SLC9A3: variants seen among roughly 807,000 people sequenced by gnomAD.
The protein encoded by SLC9A3 is sodium/hydrogen exchanger 3.
SLC9A3 carries 37 observed loss-of-function variants against 86.8 expected under a neutral mutation model. That is an observed-to-expected ratio of 0.43 (90% confidence interval 0.33 to 0.56). The LOEUF (loss-of-function observed/expected upper bound fraction) is 0.56, where lower values mean the gene tolerates loss of function less well. Ranked by LOEUF, SLC9A3 falls within the 20% of genes least tolerant of loss-of-function variation. The pLI, the probability that SLC9A3 is intolerant of heterozygous loss-of-function variation, is 0.06. For synonymous variants in SLC9A3, 581 were observed against 528.3 expected (o/e 1.10, Z -1.37); for missense variants, 1,011 against 1,171.9 (o/e 0.86, Z 2.00).
At chr5:476,910 C>A (rs1162782809) in intron 11 of SLC9A3, among the ~76,000 whole-genome samples, 1 of 152,244 alleles carries the variant, frequency 6.6e-6, no homozygotes, top group Non-Finnish European at 1.5e-5. Flanking sequence ...GAAGTGGGTC[C>A]CTTTCCTTAC....
intron 1 of SLC9A3, among the ~76,000 whole-genome samples, chr5:509,221 G>T (rs972503973): frequency 2.0e-4 from 31 of 151,630 alleles, no homozygotes; most frequent in African/African-American, 7.3e-4. Context: ...GCTAATGGTG[G>T]AGCGGATCAC....
At chr5:473,454 T>C in intron 16 of SLC9A3, 72 bp from the exon 17 acceptor site, 2 of 1,252,204 alleles carry the variant, frequency 1.6e-6, no homozygotes, top group Non-Finnish European at 2.0e-6. Flanking sequence ...CCCGGGGGCC[T>C]CAGCTGTCCC....
chr5:473,386 C>T lies in SLC9A3; in HGVS notation c.2502-4G>A, dbSNP rs1169381495. Reference sequence around the variant, plus strand: ...GGCGTGTCGGAGCCGGTGTCACCTGCGGGAGAGGAAGGCGTGAGCGGCGCG... The same window carrying T: ...GGCGTGTCGGAGCCGGTGTCACCTGTGGGAGAGGAAGGCGTGAGCGGCGCG... On this transcript the variant is annotated splice_polypyrimidine_tract_variant and splice_region_variant and intron_variant, in intron 16 of 16. Coordinates refer to ENST00000264938, the MANE Select transcript of SLC9A3 (RefSeq NM_004174.4). 5 of 1,409,780 alleles carry T rather than the reference C, an allele frequency of 3.5e-6. No homozygotes were observed. The highest frequency in any genetic ancestry group is 4.7e-6 in the Non-Finnish European group (5 of 1,074,136). 87.3% of individuals were successfully genotyped at this position (1,409,780 alleles called of 1,614,324 possible).
At chr5:510,843 G>A (rs908780844) in intron 1 of SLC9A3, among the ~76,000 whole-genome samples, 13 of 152,324 alleles carry the variant, frequency 8.5e-5, no homozygotes, top group South Asian at 8.3e-4. Context: ...AGCAGCACAC[G>A]CAGCTTTCTC....
At chr5:500,427 A>G (rs1164916310) in intron 1 of SLC9A3, among the ~76,000 whole-genome samples, 1 of 152,334 alleles carries the variant, frequency 6.6e-6, no homozygotes, top group East Asian at 1.9e-4. Context: ...CCCTCCAGGG[A>G]CACAGGAAAC....
chr5:507,327 C>G (rs1224109492), intron 1 of SLC9A3, among the ~76,000 whole-genome samples: 1 of 128,510 alleles, frequency 7.8e-6, no homozygotes, highest in Non-Finnish European at 1.6e-5. Flanking sequence ...GCCACCACGC[C>G]CAGCTAATTT....
In SLC9A3 at chr5:520,282, G is replaced by A. The variant is rs546067064; in HGVS notation, c.211+3830C>T. On this transcript the variant is annotated intron_variant, in intron 1 of 16. Coordinates refer to ENST00000264938, the MANE Select transcript of SLC9A3 (RefSeq NM_004174.4). ...CCAGCTGGGCCTAGAATCCACTCCC[G>A]GCCCCAGCCCCTCCCCGGTTTCCGA... Among the ~76,000 whole-genome samples, 94 of 152,218 alleles carry A rather than the reference G, an allele frequency of 6.2e-4. 1 individual carries two copies. Among genetic ancestry groups the A allele is most frequent in the Middle Eastern group, 3.4e-3 (1 of 294 alleles).
chr5:478,417 A>G (rs1738906646), intron 10 of SLC9A3: 1 of 151,614 alleles, frequency 6.6e-6, no homozygotes, highest in Admixed American at 6.6e-5. Context: ...GCTGCTCCCC[A>G]CACCACTTCC....
chr5:489,815 G>A (rs1315687263), intron 2 of SLC9A3, among the ~76,000 whole-genome samples: 8 of 152,170 alleles, frequency 5.3e-5, no homozygotes, highest in African/African-American at 7.2e-5. Flanking sequence ...CAGACTCCCC[G>A]GCCGGCAGCC....
intron 1 of SLC9A3, among the ~76,000 whole-genome samples, chr5:493,063 G>A (rs530615269): frequency 1.3e-5 from 2 of 152,254 alleles, no homozygotes; most frequent in South Asian, 4.1e-4. Context: ...TGTGGGTGGG[G>A]GTGCAGGCAC....
chr5:503,622 G>A (rs1441019279), intron 1 of SLC9A3, among the ~76,000 whole-genome samples: 2 of 152,194 alleles, frequency 1.3e-5, no homozygotes, highest in African/African-American at 4.8e-5. Context: ...TCCCCAGTTT[G>A]GTGAAAGACA....
chr5:482,619 C>T lies in SLC9A3; in HGVS notation c.1285G>A (p.Asp429Asn), dbSNP rs1739261205. 1.9e-6 allele frequency: 3 copies of T among 1,612,714 alleles called. No homozygotes were observed. The South Asian group carries it at 3.3e-5, about 18-fold the overall frequency. The stretch of plus-strand genomic sequence containing the variant: ...AACAGGTTCTTCTCCTTGACCTTGT[C>T]TCCATCCAGAAGCACCACCAGGGCA... ...AFALVVLLDG[D>N]KVKEKNLFVS... The change falls in exon 7 of 17, where the codon GAC (aspartate) becomes AAC (asparagine). Residue 429 changes from aspartate to asparagine, a missense_variant. By Grantham distance (23) the Asp-to-Asn change is conservative. Transcript: ENST00000264938.
intron 9 of SLC9A3, among the ~76,000 whole-genome samples, chr5:481,143 G>C (rs1739139996): frequency 6.6e-6 from 1 of 152,204 alleles, no homozygotes; most frequent in African/African-American, 2.4e-5. Flanking sequence ...GACCACCTCA[G>C]TCTCCCAAAG....
intron 1 of SLC9A3, among the ~76,000 whole-genome samples, chr5:511,025 C>T (rs1740849742): frequency 6.6e-6 from 1 of 152,190 alleles, no homozygotes; most frequent in Non-Finnish European, 1.5e-5. Context: ...CTCCCTCCAG[C>T]CTCATAATAA....
chr5:524,270 G>T lies in SLC9A3; in HGVS notation c.53C>A (p.Ala18Glu). ...GPDRGLLLAL[A>E]LGGLARAGGV... ...CCCGGCCCGCGCCAGCCCGCCCAGC[G>T]CCAGCGCCAGCAGCAGCCCCCGGTC... The change falls in exon 1 of 17, where the codon GCG becomes GAG. Residue 18 changes from alanine to glutamate, a missense_variant. By Grantham distance (107) the Ala-to-Glu change is moderately radical (BLOSUM62 -1). Transcript: ENST00000264938. 1 of 1,363,730 alleles carries T rather than the reference G, an allele frequency of 7.3e-7. No homozygotes were observed. The highest frequency in any genetic ancestry group is 1.8e-5 in the South Asian group (1 of 54,928). 84.5% of individuals were successfully genotyped at this position (1,363,730 alleles called of 1,614,324 possible).
In SLC9A3 at chr5:491,710, C is replaced by T. The variant is rs986534787; in HGVS notation, c.514+59G>A. Reference sequence around the variant, plus strand: ...CCCCGACCTTTCTGAGATGAGGCAGCGCCGCCCCTCCCGGACCCCACCCTG... The same window carrying T: ...CCCCGACCTTTCTGAGATGAGGCAGTGCCGCCCCTCCCGGACCCCACCCTG... On this transcript the variant is annotated intron_variant, in intron 2 of 16. Transcript: ENST00000264938. This position sits in a 1 kb window ranked among gnomAD's most constrained non-coding sequence, Gnocchi z 9.2. 156 of 1,416,552 alleles carry T rather than the reference C, an allele frequency of 1.1e-4. No homozygotes were observed. Among genetic ancestry groups the T allele is most frequent in the Non-Finnish European group, 1.4e-4 (149 of 1,057,950 alleles). The allele number at this position is 1,416,552 out of a possible 1,614,324, so 87.7% of individuals were successfully genotyped here.
rs1739018459 is a variant in SLC9A3, at chr5:479,578, C to T, written c.1647+258G>A. ...CCCATCCCTGGGGAAAGCAAGGGAGCTCGGGGTCCTAGGACCTGACCTCAG... is the reference window on the plus strand; with the variant it reads ...CCCATCCCTGGGGAAAGCAAGGGAGTTCGGGGTCCTAGGACCTGACCTCAG... On this transcript the variant is annotated intron_variant, in intron 10 of 16. Coordinates refer to ENST00000264938, the MANE Select transcript of SLC9A3 (RefSeq NM_004174.4). The T allele has an allele frequency of 3.9e-5, 18 of 459,644 alleles. No homozygotes were observed. In the South Asian group the frequency reaches 4.0e-4, roughly 10 times the overall value. The allele number at this position is 459,644 out of a possible 1,614,324, so 28.5% of individuals were successfully genotyped here. A position where few individuals can be genotyped will look rare whatever the true frequency, so the allele number is the denominator to read the frequency against.
In SLC9A3 at chr5:524,302, C is replaced by G. The variant is rs1733973697; in HGVS notation, c.21G>C (p.Arg7=). The G allele has an allele frequency of 3.1e-6, 4 of 1,288,020 alleles. No homozygotes were observed. The highest frequency in any genetic ancestry group is 3.9e-6 in the Non-Finnish European group (4 of 1,014,670). The allele number at this position is 1,288,020 out of a possible 1,614,324, so 79.8% of individuals were successfully genotyped here. A position where few individuals can be genotyped will look rare whatever the true frequency, so the allele number is the denominator to read the frequency against. MWGLGA[R]GPDRGLLLAL... is the part of the protein sequence containing the mutation. ...CCAGCAGCAGCCCCCGGTCGGGGCC[C>G]CGGGCCCCGAGTCCCCACATTGCCG... The change falls in exon 1 of 17, where the codon CGG becomes CGC. Residue 7 remains arginine, a synonymous_variant. Transcript: ENST00000264938.
chr5:504,968 C>T (rs1740480172), intron 1 of SLC9A3, among the ~76,000 whole-genome samples: 1 of 151,962 alleles, frequency 6.6e-6, no homozygotes, highest in East Asian at 2.0e-4. Flanking sequence ...CCACACAGAG[C>T]CCAGTGCTGA....
Sources: allele counts gnomAD v4.1 joint callset (sites outside exome capture counted in the v4.1 genomes callset), GRCh38; gene constraint gnomAD v4.1.1; non-coding constraint Gnocchi (gnomAD v3.1); transcripts MANE v1.5; gene names NCBI Gene and HGNC (gene_info 2026-07-23, HGNC 2026-07-21).